The following RSAD2 variants were observed in gnomAD, a reference collection of about 807,000 sequenced individuals.
RSAD2 encodes S-adenosylmethionine-dependent nucleotide dehydratase RSAD2.
In RSAD2, 38 loss-of-function variants were observed where a neutral mutation model predicts 37.7. The ratio of observed to expected loss-of-function variants is 1.01; its 90% CI spans 0.78 to 1.32. RSAD2 has a LOEUF of 1.32. Ranked by LOEUF, RSAD2 falls within the 40% of genes most tolerant of loss-of-function variation. RSAD2 has a pLI of 0.00. For synonymous variants in RSAD2, 163 were observed against 157.4 expected, an observed-to-expected ratio of 1.04 and a Z score of -0.27; for missense variants, 428 against 437.5, an observed-to-expected ratio of 0.98 and a Z score of 0.19.
chr2:6,887,607 T>G (rs1301097051), intron 3 of RSAD2, among the ~76,000 whole-genome samples: 2 of 152,200 alleles, frequency 1.3e-5, no homozygotes, highest in Admixed American at 6.5e-5. Context: ...TGTAGCAAAA[T>G]GGGACCTTTA....
At chr2:6,892,644 C>T (rs1177512971) in intron 4 of RSAD2, among the ~76,000 whole-genome samples, 2 of 152,210 alleles carry the variant, frequency 1.3e-5, no homozygotes, top group East Asian at 1.9e-4. Context: ...TTTCAAACTT[C>T]ATCAAATCAC....
chr2:6,878,058 A>C lies in RSAD2; in HGVS notation c.258A>C (p.Lys86Asn), dbSNP rs755179789. The change falls in exon 1 of 6, where the codon AAA (lysine) becomes AAC (asparagine). Residue 86 changes from lysine (K) to asparagine (N), a missense_variant. Transcript: ENST00000382040. Reference protein sequence around the residue: ...NYHFTRQCNYKCGFCFHTAKT... With the variant: ...NYHFTRQCNYNCGFCFHTAKT... ...ACTTCACTCGCCAGTGCAACTACAA[A>C]TGCGGCTTCTGTTTCCACACAGCCA... 1.2e-6 allele frequency: 2 copies of C among 1,614,098 alleles called. No homozygotes were observed. The highest frequency in any genetic ancestry group is 1.7e-6 in the Non-Finnish European group (2 of 1,180,006).
intron 3 of RSAD2, among the ~76,000 whole-genome samples, chr2:6,889,402 C>T (rs778240960): frequency 2.0e-5 from 3 of 152,040 alleles, no homozygotes; most frequent in Non-Finnish European, 4.4e-5. Flanking sequence ...AAAGAGTGAG[C>T]AAAAAAGGCA....
At chr2:6,884,138 A>G (rs912550553) in intron 2 of RSAD2, among the ~76,000 whole-genome samples, 5 of 152,250 alleles carry the variant, frequency 3.3e-5, no homozygotes, top group African/African-American at 4.8e-5. Flanking sequence ...AATCTGTTAC[A>G]GTACAATTCT....
At chr2:6,893,650 G>A in intron 4 of RSAD2, 21 bp from the exon 5 acceptor site, 2 of 1,599,378 alleles carry the variant, frequency 1.3e-6, no homozygotes, top group South Asian at 1.1e-5. Context: ...AACTAAATTT[G>A]TATTAACTTC....
At position 6,887,953 on chromosome 2, in the gene RSAD2, T is replaced by C. The variant is rs556085227; in HGVS notation, c.738+789T>C. On this transcript the variant is annotated intron_variant, in intron 3 of 5. Coordinates refer to ENST00000382040, the MANE Select transcript of RSAD2 (RefSeq NM_080657.5). ...AAGAGATGTGGGAAAAGTCACATGA[T>C]AGAAAGCTATGTGTGCTACCATATC... Among the ~76,000 whole-genome samples, 16 of 152,330 alleles carry C rather than the reference T, an allele frequency of 1.1e-4. No individual in the cohort carries two copies. In the South Asian group the frequency reaches 2.1e-3, roughly 20 times the overall value.
intron 1 of RSAD2, among the ~76,000 whole-genome samples, chr2:6,867,331 G>T (rs748360206): frequency 4.7e-4 from 72 of 152,150 alleles, no homozygotes; most frequent in Non-Finnish European, 9.1e-4. Flanking sequence ...CGTGCAGACC[G>T]CCTCCTTCTC....
At chr2:6,868,258 A>G (rs1321060128) in intron 1 of RSAD2, among the ~76,000 whole-genome samples, 1 of 152,184 alleles carries the variant, frequency 6.6e-6, no homozygotes, top group African/African-American at 2.4e-5. Context: ...AAATAATAAA[A>G]TGAAAAAATA....
chr2:6,896,532 C>CTT lies in RSAD2; in HGVS notation c.*601_*602dup, dbSNP rs35379582. 0.56 allele frequency: 82,400 copies of CTT among 146,302 alleles called. 23,759 individuals carry two copies. The highest frequency in any genetic ancestry group is 0.72 in the East Asian group (3,588 of 4,966). The allele number at this position is 146,302 out of a possible 1,614,324, so 9.1% of individuals were successfully genotyped here. On this transcript the variant is annotated 3_prime_UTR_variant, in exon 6 of 6. Coordinates refer to ENST00000382040, the MANE Select transcript of RSAD2 (RefSeq NM_080657.5). ...TCAATTATTTCTGCTGGTTATAATG[C>CTT]TTTTTTTTTTTTGCCTTTATGCCAT...
At chr2:6,871,063 C>A (rs1663196035) in intron 1 of RSAD2, among the ~76,000 whole-genome samples, 1 of 152,184 alleles carries the variant, frequency 6.6e-6, no homozygotes, top group Non-Finnish European at 1.5e-5. Context: ...ACCAAACCTC[C>A]CAGAGACAAT....
intron 2 of RSAD2, among the ~76,000 whole-genome samples, chr2:6,884,263 G>A (rs1004945388): frequency 6.6e-6 from 1 of 152,136 alleles, no homozygotes. Context: ...GTGATGGTGC[G>A]GACATGGACT....
chr2:6,867,481 A>G lies in RSAD2; in HGVS notation c.142+1436A>G, dbSNP rs76925968. 8.5e-3 allele frequency among the ~76,000 whole-genome samples: 1,295 copies of G among 152,278 alleles called. 12 individuals carry two copies. Among genetic ancestry groups the G allele is most frequent in the African/African-American group, 0.03 (1,242 of 41,546 alleles). On this transcript the variant is annotated intron_variant, in intron 1 of 5. Transcript: ENST00000442639. ...TGTTCTCATTTTAATGTAATCACCT[A>G]TTGAAAGCCTTATTTTGAAATACAG...
intron 1 of RSAD2, 54 bp downstream of exon 1, chr2:6,878,200 G>T: frequency 6.7e-7 from 1 of 1,494,134 alleles, no homozygotes; most frequent in Non-Finnish European, 9.1e-7. Context: ...GGGCAGTGGG[G>T]TAAGGCGAGA....
intron 1 of RSAD2, among the ~76,000 whole-genome samples, chr2:6,868,804 C>A (rs1447939659): frequency 6.6e-6 from 1 of 152,220 alleles, no homozygotes; most frequent in African/African-American, 2.4e-5. Flanking sequence ...CTGCTCACCC[C>A]TTGCATATCT....
intron 1 of RSAD2, among the ~76,000 whole-genome samples, chr2:6,872,522 A>G (rs1451006998): frequency 6.6e-6 from 1 of 152,062 alleles, no homozygotes; most frequent in Non-Finnish European, 1.5e-5. Flanking sequence ...GTGTATGAGG[A>G]GGGTAGAATG....
intron 4 of RSAD2, among the ~76,000 whole-genome samples, chr2:6,892,341 A>T (rs1429633368): frequency 6.6e-6 from 1 of 152,206 alleles, no homozygotes; most frequent in Non-Finnish European, 1.5e-5. Flanking sequence ...AAAAGAAGAG[A>T]AAGGGGGTAG....
intron 1 of RSAD2, among the ~76,000 whole-genome samples, chr2:6,871,985 G>C (rs1663211260): frequency 6.6e-6 from 1 of 152,180 alleles, no homozygotes; most frequent in Non-Finnish European, 1.5e-5. Flanking sequence ...AAAACAGCTT[G>C]AGATTATGCT....
At chr2:6,891,016 T>C (rs1663619996) in intron 4 of RSAD2, among the ~76,000 whole-genome samples, 1 of 152,136 alleles carries the variant, frequency 6.6e-6, no homozygotes, top group South Asian at 2.1e-4. Flanking sequence ...GATAGTATAA[T>C]TGAATCCATA....
intron 1 of RSAD2, 70 bp from the exon 2 acceptor site, chr2:6,883,301 T>C: frequency 1.3e-6 from 2 of 1,500,652 alleles, no homozygotes; most frequent in Non-Finnish European, 9.1e-7. Flanking sequence ...ATTGAGAAAA[T>C]ACTACTTTTG....
Sources: allele counts gnomAD v4.1 joint callset (sites outside exome capture counted in the v4.1 genomes callset), GRCh38; gene constraint gnomAD v4.1.1; transcripts MANE v1.5; gene names NCBI Gene and HGNC (gene_info 2026-07-23, HGNC 2026-07-21).